PAK5: variants seen among roughly 807,000 people sequenced by gnomAD.
The protein encoded by PAK5 is p21 (RAC1) activated kinase 5.
Under a neutral mutation model 65.9 loss-of-function variants are expected in PAK5, and 16 were observed. That is an observed-to-expected ratio of 0.24 (90% CI 0.16 to 0.37). The LOEUF (loss-of-function observed/expected upper bound fraction) is 0.37, where lower values mean the gene tolerates loss of function less well. PAK5 is among the 10% of genes least tolerant of loss of function. The pLI is 1.00. For missense variants in PAK5, 785 were observed against 903.9 expected (o/e 0.87, Z 1.69); for synonymous variants, 371 against 354.9 (o/e 1.05, Z -0.51).
At chr20:9,541,079 A>G (rs1376085618) in intron 9 of PAK5, among the ~76,000 whole-genome samples, 2 of 152,004 alleles carry the variant, frequency 1.3e-5, no homozygotes, top group Non-Finnish European at 2.9e-5. Context: ...AAAAATTTCA[A>G]TCTCTCTTTT....
Position 9,562,917 on chromosome 20 carries a change from G to A in PAK5, c.1590C>T (p.Ala530=), listed in dbSNP as rs1203204633. 2 of 1,613,828 alleles carry A rather than the reference G, an allele frequency of 1.2e-6. No homozygotes were observed. Among genetic ancestry groups the A allele is most frequent in the East Asian group, 2.2e-5 (1 of 44,868 alleles). Residue 530 remains alanine, a synonymous_variant, in exon 6 of 10, where the codon GCC becomes GCT. Coordinates refer to ENST00000353224, the MANE Select transcript of PAK5 (RefSeq NM_177990.4). ...TGGTGTGAGTCACAATGTCTGTCAAGGCACCACCTTCTAGAAACTCCATGA... is the reference window on the plus strand; with the variant it reads ...TGGTGTGAGTCACAATGTCTGTCAAAGCACCACCTTCTAGAAACTCCATGA... The part of the protein sequence containing the change: ...WVVMEFLEGG[A]LTDIVTHTRM...
chr20:9,801,361 T>G (rs1291225160), intron 1 of PAK5, among the ~76,000 whole-genome samples: 1 of 151,822 alleles, frequency 6.6e-6, no homozygotes, highest in Non-Finnish European at 1.5e-5. Flanking sequence ...CTGGTTCTTA[T>G]GAAACTGTTT....
At chr20:9,670,789 T>G (rs1355812838) in intron 2 of PAK5, among the ~76,000 whole-genome samples, 1 of 152,222 alleles carries the variant, frequency 6.6e-6, no homozygotes, top group Non-Finnish European at 1.5e-5. Context: ...TAGATCCCAT[T>G]TGTCAATTTT....
intron 1 of PAK5, among the ~76,000 whole-genome samples, chr20:9,713,030 G>A (rs1320415764): frequency 6.6e-6 from 1 of 151,928 alleles, no homozygotes; most frequent in Non-Finnish European, 1.5e-5. Context: ...ATTACATCAA[G>A]CTAAAAAACT....
intron 1 of PAK5, among the ~76,000 whole-genome samples, chr20:9,810,894 C>T (rs2049291049): frequency 6.6e-6 from 1 of 152,072 alleles, no homozygotes; most frequent in African/African-American, 2.4e-5. Context: ...TACATATATA[C>T]ATACATACAT....
chr20:9,542,437 G>C, intron 9 of PAK5, 149 bp downstream of exon 9: 1 of 790,146 alleles, frequency 1.3e-6, no homozygotes, highest in African/African-American at 1.7e-5. Context: ...TAGAAGAACA[G>C]AGATTCAAAC....
intron 1 of PAK5, among the ~76,000 whole-genome samples, chr20:9,716,867 G>C (rs915223461): frequency 3.9e-5 from 6 of 152,102 alleles, no homozygotes; most frequent in African/African-American, 1.4e-4. Flanking sequence ...CTGATCACTT[G>C]AGCTCATGAG....
At chr20:9,762,629 A>T (rs2048712548) in intron 1 of PAK5, among the ~76,000 whole-genome samples, 1 of 152,152 alleles carries the variant, frequency 6.6e-6, no homozygotes, top group African/African-American at 2.4e-5. Context: ...AAGTGTTGGT[A>T]AAGATATGGA....
At chr20:9,586,447 A>G (rs1246843660) in intron 3 of PAK5, among the ~76,000 whole-genome samples, 2 of 152,168 alleles carry the variant, frequency 1.3e-5, no homozygotes, top group East Asian at 3.8e-4. Context: ...TAAAATTTAC[A>G]TGTCAAAAAG....
chr20:9,561,942 C>T (rs2045597302), intron 6 of PAK5, among the ~76,000 whole-genome samples: 1 of 152,112 alleles, frequency 6.6e-6, no homozygotes, highest in Non-Finnish European at 1.5e-5. Context: ...AATCTTACAC[C>T]CTCTCTATTG....
intron 1 of PAK5, among the ~76,000 whole-genome samples, chr20:9,736,440 A>C (rs969937962): frequency 6.6e-6 from 1 of 152,204 alleles, no homozygotes; most frequent in African/African-American, 2.4e-5. Context: ...TCCTGTCAAA[A>C]ATAAAATCAG....
Position 9,580,582 on chromosome 20 carries a change from C to T in PAK5, c.553G>A (p.Val185Met), listed in dbSNP as rs749532063. ...GCAAAATCGGATTTCAAAGGCTTCA[C>T]CTCAGAATAGTAGGCCTCCCCGTGC... The part of the protein sequence containing the change: ...MKHGEAYYSE[V>M]KPLKSDFARF... Residue 185 changes from valine (V) to methionine (M), a missense_variant, in exon 4 of 10, where the codon GTG (valine) becomes ATG (methionine). This residue lies in a region of PAK5 where 422 missense variants were observed against 413.3 expected (regional missense o/e 1.02). Transcript: ENST00000353224. The T allele has an allele frequency of 1.7e-5, 27 of 1,614,084 alleles. No homozygotes were observed. The highest frequency in any genetic ancestry group is 1.6e-4 in the Middle Eastern group (1 of 6,062).
At chr20:9,596,674 T>C (rs1399532269) in intron 3 of PAK5, among the ~76,000 whole-genome samples, 1 of 140,774 alleles carries the variant, frequency 7.1e-6, no homozygotes, top group Non-Finnish European at 1.5e-5. Flanking sequence ...TACAGAGAAG[T>C]CGTGGCTTGA....
At chr20:9,632,456 C>T (rs2046934630) in intron 3 of PAK5, among the ~76,000 whole-genome samples, 1 of 152,216 alleles carries the variant, frequency 6.6e-6, no homozygotes, top group Non-Finnish European at 1.5e-5. Context: ...TTCTGCCTAA[C>T]TCACTTGAGA....
At chr20:9,653,860 T>A (rs539525408) in intron 2 of PAK5, among the ~76,000 whole-genome samples, 2 of 152,330 alleles carry the variant, frequency 1.3e-5, no homozygotes, top group South Asian at 4.1e-4. Flanking sequence ...TCCTTGTCTC[T>A]TCCAGCTTCT....
intron 1 of PAK5, among the ~76,000 whole-genome samples, chr20:9,743,120 C>T (rs546503690): frequency 1.3e-4 from 20 of 152,252 alleles, no homozygotes; most frequent in African/African-American, 4.3e-4. Flanking sequence ...GTTATCCCAG[C>T]GCCTTGGGAA....
At chr20:9,577,046 C>G (rs1167346366) in intron 4 of PAK5, among the ~76,000 whole-genome samples, 1 of 152,222 alleles carries the variant, frequency 6.6e-6, no homozygotes, top group African/African-American at 2.4e-5. Flanking sequence ...AGCTAGCTTC[C>G]TTCCGTGGAA....
intron 3 of PAK5, among the ~76,000 whole-genome samples, chr20:9,581,181 C>T (rs1419243406): frequency 6.6e-6 from 1 of 152,124 alleles, no homozygotes; most frequent in Admixed American, 6.5e-5. Context: ...ATCAAAAAGC[C>T]ATGTAGGAGA....
At chr20:9,677,939 C>T (rs986372928) in intron 2 of PAK5, among the ~76,000 whole-genome samples, 19 of 152,160 alleles carry the variant, frequency 1.2e-4, no homozygotes, top group African/African-American at 4.6e-4. Context: ...TATCATATTA[C>T]AATTTTTTCA....
Sources: gnomAD v4.1 joint callset for allele counts (sites outside exome capture counted in the v4.1 genomes callset) on GRCh38, gnomAD v4.1.1 for gene constraint, gnomAD v4.1.1 regional missense constraint, MANE v1.5 for transcripts, NCBI Gene and HGNC (gene_info 2026-07-23, HGNC 2026-07-21) for gene names.